Variants in LY96 observed in about 807,000 individuals in gnomAD.
LY96 encodes myeloid differentiation protein-2.
A neutral mutation model predicts 18.9 loss-of-function variants in LY96; 18 were observed. That is an observed-to-expected ratio of 0.95 (90% CI 0.66 to 1.41). LY96 has a LOEUF of 1.41. LY96 is among the 40% of genes most tolerant of loss of function. LY96 has a pLI of 0.00. For missense variants in LY96, 175 were observed against 182.4 expected, an observed-to-expected ratio of 0.96 and a Z score of 0.23; for synonymous variants, 66 against 62.6, an observed-to-expected ratio of 1.06 and a Z score of -0.26.
chr8:73,997,905 C>T (rs1816184317), intron 1 of LY96, among the ~76,000 whole-genome samples: 1 of 152,188 alleles, frequency 6.6e-6, no homozygotes. Flanking sequence ...GTGCACCATC[C>T]TCCTAGCATC....
the LY96 span, among the ~76,000 whole-genome samples, chr8:74,035,222 C>T: frequency 1.3e-5 from 2 of 151,052 alleles, no homozygotes; most frequent in Non-Finnish European, 3.0e-5. Flanking sequence ...TATGTAAAAA[C>T]TTTTTTTTTA....
chr8:74,079,047 A>C, the LY96 span, among the ~76,000 whole-genome samples: 1 of 152,230 alleles, frequency 6.6e-6, no homozygotes, highest in Admixed American at 6.5e-5. Flanking sequence ...TTTCTCAAAA[A>C]CATTAGCATT....
At chr8:74,089,088 G>A in the LY96 span, among the ~76,000 whole-genome samples, 1 of 152,122 alleles carries the variant, frequency 6.6e-6, no homozygotes, top group Middle Eastern at 3.2e-3. Context: ...AGCAGGATAG[G>A]GTTAGTCCTA....
chr8:74,042,538 T>A, the LY96 span, among the ~76,000 whole-genome samples: 1 of 152,160 alleles, frequency 6.6e-6, no homozygotes, highest in East Asian at 1.9e-4. Context: ...AATTTGGGAT[T>A]GGACTCACTC....
At chr8:74,060,758 C>G in the LY96 span, among the ~76,000 whole-genome samples, 1 of 152,162 alleles carries the variant, frequency 6.6e-6, no homozygotes, top group Non-Finnish European at 1.5e-5. Flanking sequence ...TCCTTGCCCT[C>G]AAGTTTTCTC....
chr8:74,096,923 A>G, the LY96 span, among the ~76,000 whole-genome samples: 15 of 152,178 alleles, frequency 9.9e-5, no homozygotes, highest in Non-Finnish European at 2.1e-4. Flanking sequence ...CCCTGGGGGT[A>G]GTTTCTGGGA....
chr8:74,044,834 T>C, the LY96 span, among the ~76,000 whole-genome samples: 1 of 152,260 alleles, frequency 6.6e-6, no homozygotes, highest in Non-Finnish European at 1.5e-5. Context: ...TCAGCTGTCT[T>C]GTCAGTGGGT....
chr8:74,068,405 C>G, the LY96 span, among the ~76,000 whole-genome samples: 1 of 152,122 alleles, frequency 6.6e-6, no homozygotes, highest in South Asian at 2.1e-4. Flanking sequence ...TTGGTTTTAG[C>G]TCTTATGAAT....
chr8:74,022,389 A>C lies in LY96; in HGVS notation c.332-4400A>C, dbSNP rs1816783840. Among the ~76,000 whole-genome samples, 5 of 151,882 alleles carry C rather than the reference A, an allele frequency of 3.3e-5. No homozygotes were observed. In the South Asian group the frequency reaches 1.0e-3, roughly 32 times the overall value. On this transcript the variant is annotated intron_variant, in intron 3 of 4. Coordinates refer to ENST00000284818, the MANE Select transcript of LY96 (RefSeq NM_015364.5). Reference sequence around the variant, plus strand: ...ACCACTGCACTCCAGCCTGGGCTACACAGTGAGACTCCAGTCTCAAAAAAA... The same window carrying C: ...ACCACTGCACTCCAGCCTGGGCTACCCAGTGAGACTCCAGTCTCAAAAAAA...
the LY96 span, among the ~76,000 whole-genome samples, chr8:74,088,309 G>A: frequency 6.6e-6 from 1 of 152,264 alleles, no homozygotes; most frequent in East Asian, 1.9e-4. Context: ...AGAGGGCAGT[G>A]GAGCACCCAT....
chr8:74,010,611 C>A (rs1346799796), intron 3 of LY96, among the ~76,000 whole-genome samples: 2 of 151,812 alleles, frequency 1.3e-5, no homozygotes, highest in African/African-American at 4.8e-5. Flanking sequence ...CCTCATTTTC[C>A]TCAGCTATAA....
chr8:74,018,198 T>A (rs1457804253), intron 3 of LY96, among the ~76,000 whole-genome samples: 1 of 150,508 alleles, frequency 6.6e-6, no homozygotes, highest in Non-Finnish European at 1.5e-5. Context: ...AATAAAGGGA[T>A]GGAGGAAGAT....
At chr8:74,082,565 C>T in the LY96 span, among the ~76,000 whole-genome samples, 1,517 of 152,218 alleles carry the variant, frequency 1.0e-2, 76 homozygotes, top group Admixed American at 0.076. Flanking sequence ...CCTGCAGGGG[C>T]GGAAAGATTT....
the LY96 span, among the ~76,000 whole-genome samples, chr8:74,090,232 G>C: frequency 6.6e-6 from 1 of 152,072 alleles, no homozygotes; most frequent in African/African-American, 2.4e-5. Context: ...ATGAAAAGTG[G>C]TCAGATTCTA....
the LY96 span, chr8:74,079,403 A>G: frequency 6.6e-6 from 1 of 152,212 alleles, no homozygotes; most frequent in Non-Finnish European, 1.5e-5. Flanking sequence ...AACCTGACTA[A>G]TACACCATCT....
intron 3 of LY96, among the ~76,000 whole-genome samples, chr8:74,025,788 G>A (rs750215348): frequency 5.3e-5 from 8 of 151,966 alleles, no homozygotes; most frequent in East Asian, 3.9e-4. Context: ...CGGGCAGATC[G>A]CCTGAAGTTG....
rs141192619 is a variant in LY96 at position 73,998,481 on chromosome 8, G to A, written c.113-6315G>A. Among the ~76,000 whole-genome samples, 1,297 of 151,802 alleles carry A rather than the reference G, an allele frequency of 8.5e-3. 18 individuals carry two copies. The highest frequency in any genetic ancestry group is 0.03 in the African/African-American group (1,238 of 41,380). ...ACTTGAGGCCAGGAGTTCAAGACCA[G>A]CCTAAGCAACATAGTGAGGCCCCAT... On this transcript the variant is annotated intron_variant, in intron 1 of 4. Coordinates refer to ENST00000284818, the MANE Select transcript of LY96 (RefSeq NM_015364.5).
the LY96 span, among the ~76,000 whole-genome samples, chr8:74,044,759 C>A: frequency 6.6e-6 from 1 of 152,152 alleles, no homozygotes; most frequent in African/African-American, 2.4e-5. Flanking sequence ...TTTAAACATT[C>A]ATGAATTAAC....
chr8:74,081,470 A>G, the LY96 span, among the ~76,000 whole-genome samples: 2 of 151,544 alleles, frequency 1.3e-5, no homozygotes, highest in African/African-American at 4.8e-5. Context: ...GTGTTGCCCA[A>G]CTGGTCTTGA....
Sources: allele counts gnomAD v4.1 joint callset (sites outside exome capture counted in the v4.1 genomes callset), GRCh38; gene constraint gnomAD v4.1.1; transcripts MANE v1.5; gene names NCBI Gene and HGNC (gene_info 2026-07-23, HGNC 2026-07-21).